C9orf40: variants seen among roughly 807,000 people sequenced by gnomAD.
The protein encoded by C9orf40 is uncharacterized protein C9orf40.
In C9orf40, 2 loss-of-function variants were observed where a neutral mutation model predicts 7.9. That is an observed-to-expected ratio of 0.25 (90% CI 0.10 to 0.80). The LOEUF (loss-of-function observed/expected upper bound fraction) is 0.80, where lower values mean the gene tolerates loss of function less well. Among genes scored for constraint, C9orf40 ranks in the 30% least tolerant of loss-of-function variants. C9orf40 has a pLI of 0.68. For synonymous variants in C9orf40, 113 were observed against 117.6 expected (o/e 0.96, Z 0.25); for missense variants, 256 against 268.5 (o/e 0.95, Z 0.33).
rs932243267 is a variant in C9orf40 at position 74,947,986 on chromosome 9, A to G, written c.*62T>C. The G allele has an allele frequency of 2.9e-5, 42 of 1,472,424 alleles. No homozygotes were observed. Among genetic ancestry groups the G allele is most frequent in the Non-Finnish European group, 3.7e-5 (40 of 1,079,152 alleles). The allele number at this position is 1,472,424 out of a possible 1,614,324, so 91.2% of individuals were successfully genotyped here. On this transcript the variant is annotated 3_prime_UTR_variant, in exon 2 of 2. Coordinates refer to ENST00000376854, the MANE Select transcript of C9orf40 (RefSeq NM_017998.3). ...GGAAAATAACTTTTCCCTTAAGAAT[A>G]CGAGAATTCACTTAGAGACATCTCC...
At chr9:74,948,557 T>TA (rs1323133030) in intron 1 of C9orf40, among the ~76,000 whole-genome samples, 2 of 152,334 alleles carry the variant, frequency 1.3e-5, no homozygotes, top group East Asian at 3.9e-4. Flanking sequence ...GAATTTATTT[T>TA]AAAAATACAA....
At chr9:74,951,290 CTTTTCTTTT>C (rs1269695405) in intron 1 of C9orf40, among the ~76,000 whole-genome samples, 4 of 151,550 alleles carry the variant, frequency 2.6e-5, no homozygotes, top group Admixed American at 6.6e-5. Flanking sequence ...TTTTTTCTTT[CTTTTCTTTT>C]CTTTTTTTTT....
chr9:74,952,892 C>G lies in C9orf40; in HGVS notation c.-281G>C. On this transcript the variant is annotated 5_prime_UTR_variant, in exon 1 of 2. Transcript: ENST00000376854. The surrounding 1 kb of genome is among the most constrained non-coding windows in gnomAD (Gnocchi z 5.4). Reference sequence around the variant, plus strand: ...AGCGGCGGAGATTCGAACCTGCGCACAACGTGCGCGCGCGCACTCTGTCTG... The same window carrying G: ...AGCGGCGGAGATTCGAACCTGCGCAGAACGTGCGCGCGCGCACTCTGTCTG... 7.1e-6 allele frequency: 3 copies of G among 422,606 alleles called. No homozygotes were observed. The highest frequency in any genetic ancestry group is 1.3e-5 in the Non-Finnish European group (3 of 237,064). 26.2% of individuals were successfully genotyped at this position (422,606 alleles called of 1,614,324 possible).
At chr9:74,950,595 A>G (rs75240967) in intron 1 of C9orf40, among the ~76,000 whole-genome samples, 1 of 133,230 alleles carries the variant, frequency 7.5e-6, no homozygotes, top group African/African-American at 2.8e-5. Flanking sequence ...AACCATAGGA[A>G]AAAAAAAAAA....
Position 74,947,979 on chromosome 9 carries a change from T to A in C9orf40, c.*69A>T, listed in dbSNP as rs1298125077. On this transcript the variant is annotated 3_prime_UTR_variant, in exon 2 of 2. Transcript: ENST00000376854. ...CAAGTATGGAAAATAACTTTTCCCT[T>A]AAGAATACGAGAATTCACTTAGAGA... 2.8e-6 allele frequency: 4 copies of A among 1,449,350 alleles called. No individual in the cohort carries two copies. The African/African-American group carries it at 5.7e-5, about 21-fold the overall frequency. 89.8% of individuals were successfully genotyped at this position (1,449,350 alleles called of 1,614,324 possible). A position where few individuals can be genotyped will look rare whatever the true frequency, so the allele number is the denominator to read the frequency against.
rs887584877 is a variant in C9orf40 at position 74,952,497 on chromosome 9, C to T, written c.115G>A (p.Gly39Arg). 2.5e-6 allele frequency: 4 copies of T among 1,594,644 alleles called. No homozygotes were observed. The highest frequency in any genetic ancestry group is 3.4e-5 in the Admixed American group (2 of 59,542). ...AGGAGCTGCCCAGCATGCGCGACCC[C>T]GGGCGGCCGGATCCAGAGAGGCGGT... ...PPPPLWIRPP[G>R]VAHAGQLLGV... Residue 39 changes from glycine to arginine, a missense_variant, in exon 1 of 2, where the codon GGG becomes AGG. By Grantham distance (125) the Gly-to-Arg change is moderately radical. Coordinates refer to ENST00000376854, the MANE Select transcript of C9orf40 (RefSeq NM_017998.3). The surrounding 1 kb of genome is among the most constrained non-coding windows in gnomAD (Gnocchi z 5.4).
At position 74,947,187 on chromosome 9, in the gene C9orf40, A is replaced by C; in HGVS notation, c.*861T>G. On this transcript the variant is annotated 3_prime_UTR_variant, in exon 2 of 2. Coordinates refer to ENST00000376854, the MANE Select transcript of C9orf40 (RefSeq NM_017998.3). ...GAGGGAAACAGGACAGGTGTTTAAAAAAATAGTTATATCCAAGACCCACCT... is the reference window on the plus strand; with the variant it reads ...GAGGGAAACAGGACAGGTGTTTAAACAAATAGTTATATCCAAGACCCACCT... 6.6e-6 allele frequency: 1 copy of C among 152,642 alleles called. No individual in the cohort carries two copies. Among genetic ancestry groups the C allele is most frequent in the East Asian group, 1.9e-4 (1 of 5,198 alleles). 9.5% of individuals were successfully genotyped at this position (152,642 alleles called of 1,614,324 possible).
chr9:74,951,337 G>A (rs981948645), intron 1 of C9orf40, among the ~76,000 whole-genome samples: 2 of 152,028 alleles, frequency 1.3e-5, no homozygotes, highest in African/African-American at 2.4e-5. Flanking sequence ...TGTGGCCCAG[G>A]CTGGAGTGCA....
Position 74,952,674 on chromosome 9 carries a change from G to A in C9orf40, c.-63C>T. 3 of 1,434,742 alleles carry A rather than the reference G, an allele frequency of 2.1e-6. No individual in the cohort carries two copies. Among genetic ancestry groups the A allele is most frequent in the Admixed American group, 2.2e-5 (1 of 44,468 alleles). The allele number at this position is 1,434,742 out of a possible 1,614,324, so 88.9% of individuals were successfully genotyped here. On this transcript the variant is annotated 5_prime_UTR_variant, in exon 1 of 2. Coordinates refer to ENST00000376854, the MANE Select transcript of C9orf40 (RefSeq NM_017998.3). This position sits in a 1 kb window ranked among gnomAD's most constrained non-coding sequence, Gnocchi z 5.4. ...AGACCGAGTGCCGATAGCTGCGGGG[G>A]GCGAAGAGCGAGGACTGAGCGCGTG...
In C9orf40 at chr9:74,952,902, G is replaced by C. The variant is rs1832326978; in HGVS notation, c.-291C>G. The C allele has an allele frequency of 5.1e-6, 2 of 392,446 alleles. No individual in the cohort carries two copies. The highest frequency in any genetic ancestry group is 9.1e-6 in the Non-Finnish European group (2 of 218,686). The allele number at this position is 392,446 out of a possible 1,614,324, so 24.3% of individuals were successfully genotyped here. ...ATTCGAACCTGCGCACAACGTGCGC[G>C]CGCGCACTCTGTCTGGCCAGGCGGA... On this transcript the variant is annotated 5_prime_UTR_variant, in exon 1 of 2. Coordinates refer to ENST00000376854, the MANE Select transcript of C9orf40 (RefSeq NM_017998.3). The surrounding 1 kb of genome is among the most constrained non-coding windows in gnomAD (Gnocchi z 5.4).
intron 1 of C9orf40, among the ~76,000 whole-genome samples, chr9:74,951,337 G>C (rs981948645): frequency 6.6e-6 from 1 of 152,028 alleles, no homozygotes; most frequent in Non-Finnish European, 1.5e-5. Context: ...TGTGGCCCAG[G>C]CTGGAGTGCA....
chr9:74,952,657 T>G lies in C9orf40; in HGVS notation c.-46A>C. 6.8e-7 allele frequency: 1 copy of G among 1,477,514 alleles called. No homozygotes were observed. Among genetic ancestry groups the G allele is most frequent in the Non-Finnish European group, 9.0e-7 (1 of 1,111,344 alleles). The allele number at this position is 1,477,514 out of a possible 1,614,324, so 91.5% of individuals were successfully genotyped here. Reference sequence around the variant, plus strand: ...AGCCCGCCAGGCGCGGGAGACCGAGTGCCGATAGCTGCGGGGGGCGAAGAG... The same window carrying G: ...AGCCCGCCAGGCGCGGGAGACCGAGGGCCGATAGCTGCGGGGGGCGAAGAG... On this transcript the variant is annotated 5_prime_UTR_variant, in exon 1 of 2. Transcript: ENST00000376854. This position sits in a 1 kb window ranked among gnomAD's most constrained non-coding sequence, Gnocchi z 5.4.
intron 1 of C9orf40, among the ~76,000 whole-genome samples, chr9:74,949,011 A>G (rs776519223): frequency 1.3e-5 from 2 of 152,230 alleles, no homozygotes; most frequent in Non-Finnish European, 2.9e-5. Context: ...TTAGTAAAAC[A>G]TAGTGACTAA....
At chr9:74,950,593 GAAAA>G (rs71497367) in intron 1 of C9orf40, among the ~76,000 whole-genome samples, 5 of 115,084 alleles carry the variant, frequency 4.3e-5, no homozygotes, top group Admixed American at 8.9e-5. Context: ...TCAACCATAG[GAAAA>G]AAAAAAAAAA....
At chr9:74,951,236 C>T (rs1832291413) in intron 1 of C9orf40, among the ~76,000 whole-genome samples, 1 of 152,108 alleles carries the variant, frequency 6.6e-6, no homozygotes, top group Admixed American at 6.5e-5. Context: ...AATAAAAACC[C>T]GCCAATGATT....
intron 1 of C9orf40, among the ~76,000 whole-genome samples, chr9:74,948,928 T>C (rs1832271088): frequency 6.6e-6 from 1 of 152,184 alleles, no homozygotes; most frequent in Non-Finnish European, 1.5e-5. Flanking sequence ...AATTTCACTT[T>C]AATATTTTGG....
intron 1 of C9orf40, among the ~76,000 whole-genome samples, chr9:74,951,876 T>TGCTCACAGCCCGCCAC (rs1423021437): frequency 1.3e-5 from 2 of 152,212 alleles, no homozygotes; most frequent in East Asian, 3.9e-4. Flanking sequence ...GTTCTCGCCA[T>TGCTCACAGCCCGCCAC]GCTCACAGCC....
chr9:74,952,234 C>T lies in C9orf40; in HGVS notation c.378G>A (p.Ala126=). 2 of 1,251,780 alleles carry T rather than the reference C, an allele frequency of 1.6e-6. No individual in the cohort carries two copies. Among genetic ancestry groups the T allele is most frequent in the Admixed American group, 4.2e-5 (1 of 23,560 alleles). The allele number at this position is 1,251,780 out of a possible 1,614,324, so 77.5% of individuals were successfully genotyped here. A position where few individuals can be genotyped will look rare whatever the true frequency, so the allele number is the denominator to read the frequency against. The change falls in exon 1 of 2, where the codon GCG becomes GCA. Residue 126 remains alanine, a synonymous_variant. Transcript: ENST00000376854. The surrounding 1 kb of genome is among the most constrained non-coding windows in gnomAD (Gnocchi z 5.4). The part of the protein sequence containing the change: ...RLPGGGGDDG[A]GRAGPPRGDW... ...CTCCCCGCGGGGGTCCTGCGCGCCC[C>T]GCCCCGTCGTCGCCACCGCCCCCCG...
In C9orf40 at chr9:74,952,128, G is replaced by A; in HGVS notation, c.426+58C>T. ...ATGAGTGGGAACCGGGGCGTTTTGT[G>A]TGTGTGGGGAAAAGGCAAGCCCCTT... is the stretch of plus-strand genomic sequence containing the variant. On this transcript the variant is annotated intron_variant, in intron 1 of 1. Coordinates refer to ENST00000376854, the MANE Select transcript of C9orf40 (RefSeq NM_017998.3). The surrounding 1 kb of genome is among the most constrained non-coding windows in gnomAD (Gnocchi z 5.4). 1 of 598,474 alleles carries A rather than the reference G, an allele frequency of 1.7e-6. No homozygotes were observed. Among genetic ancestry groups the A allele is most frequent in the Admixed American group, 4.0e-5 (1 of 25,234 alleles). 37.1% of individuals were successfully genotyped at this position (598,474 alleles called of 1,614,324 possible).
Sources: gnomAD v4.1 joint callset for allele counts (sites outside exome capture counted in the v4.1 genomes callset) on GRCh38, gnomAD v4.1.1 for gene constraint, Gnocchi (gnomAD v3.1) non-coding constraint, MANE v1.5 for transcripts, NCBI Gene and HGNC (gene_info 2026-07-23, HGNC 2026-07-21) for gene names.